The following SCRIB variants were observed in gnomAD, a reference collection of about 807,000 sequenced individuals.
SCRIB encodes protein scribble homolog.
A neutral mutation model predicts 170.0 loss-of-function variants in SCRIB; 72 were observed. The observed-to-expected ratio is 0.42, with a 90% CI of 0.35 to 0.52. SCRIB has a LOEUF of 0.52. Among genes scored for constraint, SCRIB ranks in the 20% least tolerant of loss-of-function variants. The pLI is 0.02. For missense variants in SCRIB, 2,475 were observed against 2,338.5 expected (o/e 1.06, Z -1.20); for synonymous variants, 1,298 against 1,044.3 (o/e 1.24, Z -4.68).
intron 13 of SCRIB, among the ~76,000 whole-genome samples, chr8:143,810,097 T>C (rs1402267767): frequency 6.6e-6 from 1 of 152,096 alleles, no homozygotes; most frequent in Non-Finnish European, 1.5e-5. Flanking sequence ...ACAGCACGCA[T>C]GTCACAGCTC....
intron 17 of SCRIB, 119 bp downstream of exon 17, chr8:143,806,805 C>G (rs1337512607): frequency 1.3e-6 from 1 of 783,844 alleles, no homozygotes; most frequent in Non-Finnish European, 2.0e-6. Flanking sequence ...TGCCTTGGGC[C>G]CAGCCCGTGT....
chr8:143,813,623 G>A lies in SCRIB; in HGVS notation c.446+14C>T, dbSNP rs758903921. ...CCCCCACCCCACCCTAGTTCCACCT[G>A]AGAAGGCACTCACTTGCCCACGTCC... On this transcript the variant is annotated intron_variant, in intron 4 of 36. Transcript: ENST00000356994. 3 of 1,612,860 alleles carry A rather than the reference G, an allele frequency of 1.9e-6. No homozygotes were observed. Among genetic ancestry groups the A allele is most frequent in the African/African-American group, 2.7e-5 (2 of 74,934 alleles).
intron 24 of SCRIB, among the ~76,000 whole-genome samples, chr8:143,795,731 C>T (rs556863862): frequency 3.3e-5 from 5 of 152,326 alleles, no homozygotes; most frequent in East Asian, 3.9e-4. Flanking sequence ...TGTCCCCGGC[C>T]GGTCCCCATC....
intron 24 of SCRIB, among the ~76,000 whole-genome samples, chr8:143,798,173 T>C (rs554404918): frequency 4.2e-4 from 64 of 152,220 alleles, no homozygotes; most frequent in African/African-American, 1.5e-3. Flanking sequence ...GGAGAATCGC[T>C]TGAACCCGGG....
rs112220872 is a variant in SCRIB, at chr8:143,803,907, G to A, written c.3154C>T (p.Leu1052=). The A allele has an allele frequency of 7.5e-6, 12 of 1,591,054 alleles. No homozygotes were observed. Among genetic ancestry groups the A allele is most frequent in the Middle Eastern group, 3.3e-4 (2 of 6,030 alleles). The part of the protein sequence containing the change: ...LPRGLAARSG[L]RVGDRILAVN... ...GCCAGGATGCGGTCCCCAACCCGCA[G>A]GCCGCTGCGAGCGGCCAGGCCCCGC... Residue 1052 remains leucine, a synonymous_variant, in exon 23 of 37, where the codon CTG becomes TTG. Transcript: ENST00000356994.
At chr8:143,807,977 G>A (rs782141708) in intron 15 of SCRIB, among the ~76,000 whole-genome samples, 5 of 152,244 alleles carry the variant, frequency 3.3e-5, no homozygotes, top group Non-Finnish European at 7.3e-5. Flanking sequence ...GAGACCCTTT[G>A]TGACCCATGG....
chr8:143,799,598 C>T (rs552874487), intron 24 of SCRIB, among the ~76,000 whole-genome samples: 3 of 152,240 alleles, frequency 2.0e-5, no homozygotes, highest in Non-Finnish European at 4.4e-5. Context: ...CCGACCATGG[C>T]GAGGCAGGTC....
Position 143,792,696 on chromosome 8 carries a change from C to G in SCRIB, c.4177+12G>C. 6.3e-7 allele frequency: 1 copy of G among 1,587,120 alleles called. No homozygotes were observed. Among genetic ancestry groups the G allele is most frequent in the Non-Finnish European group, 8.5e-7 (1 of 1,173,310 alleles). On this transcript the variant is annotated intron_variant, in intron 30 of 36. Coordinates refer to ENST00000356994, the MANE Select transcript of SCRIB (RefSeq NM_182706.5). Reference sequence around the variant, plus strand: ...CGAGACCCAACCCCCACCCCACTTCCGTGCCCCTCACCTTCCTCCTCCTGC... The same window carrying G: ...CGAGACCCAACCCCCACCCCACTTCGGTGCCCCTCACCTTCCTCCTCCTGC...
rs1359583112 is a variant in SCRIB at position 143,812,748 on chromosome 8, C to A, written c.787+69G>T. On this transcript the variant is annotated intron_variant, in intron 8 of 36. Transcript: ENST00000356994. ...CCTGTGTTCCACACCACACACAGCC[C>A]CGACGCCCCACGCTCCTCCCAGGGC... The A allele has an allele frequency of 5.2e-6, 8 of 1,551,998 alleles. No individual in the cohort carries two copies. The East Asian group carries it at 1.8e-4, about 35-fold the overall frequency.
intron 24 of SCRIB, 79 bp from the exon 25 acceptor site, chr8:143,795,609 C>T (rs1814910471): frequency 8.3e-7 from 1 of 1,199,400 alleles, no homozygotes; most frequent in Non-Finnish European, 1.2e-6. Context: ...GGTCCCAGCC[C>T]AGAATAGTCA....
Position 143,810,911 on chromosome 8 carries a change from C to T in SCRIB, c.1268G>A (p.Ser423Asn), listed in dbSNP as rs1177703539. 6.2e-7 allele frequency: 1 copy of T among 1,611,610 alleles called. No individual in the cohort carries two copies. The highest frequency in any genetic ancestry group is 8.5e-7 in the Non-Finnish European group (1 of 1,179,894). The change falls in exon 11 of 37, where the codon AGC becomes AAC. Residue 423 changes from serine to asparagine, a missense_variant. Ser to Asn is a conservative substitution (Grantham distance 46). Coordinates refer to ENST00000356994, the MANE Select transcript of SCRIB (RefSeq NM_182706.5). ...ACCGGTTGCCAACAACCTACCGAGG[C>T]TGGGTGGGGGCTGCTGGGGCAGCAA... ...CYLLPQQPPPSLEDAGQQGSL... is the reference protein window; with the variant it reads ...CYLLPQQPPPNLEDAGQQGSL...
In SCRIB at chr8:143,793,167, G is replaced by A. The variant is rs368605558; in HGVS notation, c.3910-84C>T. 1,064 of 750,198 alleles carry A rather than the reference G, an allele frequency of 1.4e-3. 8 individuals are homozygous for A. The East Asian group carries it at 0.02, about 14-fold the overall frequency. 46.5% of individuals were successfully genotyped at this position (750,198 alleles called of 1,614,324 possible). A position where few individuals can be genotyped will look rare whatever the true frequency, so the allele number is the denominator to read the frequency against. On this transcript the variant is annotated intron_variant, in intron 28 of 36. Coordinates refer to ENST00000356994, the MANE Select transcript of SCRIB (RefSeq NM_182706.5). The stretch of plus-strand genomic sequence containing the variant: ...GCAACTCACCACCGGCTGTCCCCCC[G>A]CCTGTCCCCCCGCCTGCCTTTGATC...
intron 8 of SCRIB, 147 bp downstream of exon 8, chr8:143,812,670 A>C: frequency 8.9e-7 from 1 of 1,128,514 alleles, no homozygotes; most frequent in South Asian, 1.5e-5. Flanking sequence ...CCAGGGTCCC[A>C]CCTCCCCTCC....
Position 143,808,680 on chromosome 8 carries a change from C to T in SCRIB, c.2044G>A (p.Ala682Thr), listed in dbSNP as rs1245185842. 21 of 1,543,370 alleles carry T rather than the reference C, an allele frequency of 1.4e-5. No homozygotes were observed. Among genetic ancestry groups the T allele is most frequent in the Non-Finnish European group, 1.8e-5 (21 of 1,148,064 alleles). ...EEEEEEEENR[A>T]EEEEASTEEE... is the part of the protein sequence containing the mutation. ...TCAGTGCTGGCCTCTTCCTCTTCAG[C>T]CCTGTTTTCCTCCTCCTCCTCTTCC... The change falls in exon 15 of 37, where the codon GCT becomes ACT. Residue 682 changes from alanine to threonine, a missense_variant. Coordinates refer to ENST00000356994, the MANE Select transcript of SCRIB (RefSeq NM_182706.5).
chr8:143,804,096 G>A lies in SCRIB; in HGVS notation c.3070C>T (p.His1024Tyr). ...TGGACACCAAACGGGTGGCTGGAAT[G>A]GTCGGAGCCTCCGACAATACTAAGC... ...LGLSIVGGSD[H>Y]SSHPFGVQEP... The change falls in exon 22 of 37, where the codon CAT becomes TAT. Residue 1024 changes from histidine (H) to tyrosine (Y), a missense_variant. By Grantham distance (83) the His-to-Tyr change is moderately conservative. Coordinates refer to ENST00000356994, the MANE Select transcript of SCRIB (RefSeq NM_182706.5). The A allele has an allele frequency of 1.2e-6, 2 of 1,612,904 alleles. No homozygotes were observed. Among genetic ancestry groups the A allele is most frequent in the South Asian group, 2.2e-5 (2 of 90,960 alleles).
rs781949290 is a variant in SCRIB at position 143,803,633 on chromosome 8, TG to T, written c.3414+13del. 6.6e-4 allele frequency: 327 copies of T among 492,664 alleles called. 1 individual carries two copies. The African/African-American group carries it at 7.9e-3, about 12-fold the overall frequency. 30.5% of individuals were successfully genotyped at this position (492,664 alleles called of 1,614,324 possible). Reference sequence around the variant, plus strand: ...GGGTGGGGCCCAGGGCGGGCTGGGGTGGGGGGGGCTCACCTTGGAGATGAAG... The same window carrying T: ...GGGTGGGGCCCAGGGCGGGCTGGGGTGGGGGGGCTCACCTTGGAGATGAAG... On this transcript the variant is annotated intron_variant, in intron 23 of 36. Transcript: ENST00000356994.
rs782585787 is a variant in SCRIB at position 143,792,775 on chromosome 8, G to A, written c.4110C>T (p.Ala1370=). 8.4e-5 allele frequency: 133 copies of A among 1,584,830 alleles called. No homozygotes were observed. The highest frequency in any genetic ancestry group is 1.0e-4 in the Non-Finnish European group (119 of 1,168,314). Residue 1370 remains alanine (A), a synonymous_variant, in exon 30 of 37, where the codon GCC becomes GCT. Coordinates refer to ENST00000356994, the MANE Select transcript of SCRIB (RefSeq NM_182706.5). ...YFELEVRVPQ[A]EGPPKRVSLV... is the part of the protein sequence containing the mutation. ...GGGACACGCGCTTAGGGGGGCCCTC[G>A]GCCTGGGGCACGCGCACCTCCAGCT... is the stretch of plus-strand genomic sequence containing the variant.
In SCRIB at chr8:143,809,612, C is replaced by T; in HGVS notation, c.1637G>A (p.Gly546Glu). Residue 546 changes from glycine to glutamate, a missense_variant, in exon 14 of 37, where the codon GGG becomes GAG. Coordinates refer to ENST00000356994, the MANE Select transcript of SCRIB (RefSeq NM_182706.5). ...PEGPSAEAQG[G>E]SQQEATTAGG... is the part of the protein sequence containing the mutation. ...AGCAGTCGTGGCTTCCTGCTGGCTCCCACCCTGTGCCTCAGCCGACGGGCC... is the reference window on the plus strand; with the variant it reads ...AGCAGTCGTGGCTTCCTGCTGGCTCTCACCCTGTGCCTCAGCCGACGGGCC... 1.2e-6 allele frequency: 2 copies of T among 1,611,202 alleles called. No homozygotes were observed. Among genetic ancestry groups the T allele is most frequent in the Non-Finnish European group, 1.7e-6 (2 of 1,179,928 alleles).
chr8:143,814,400 G>T (rs903041034), intron 1 of SCRIB, among the ~76,000 whole-genome samples: 11 of 152,074 alleles, frequency 7.2e-5, no homozygotes, highest in African/African-American at 2.7e-4. Context: ...CCTACCCTGT[G>T]TCTTACCTCA....
Sources: allele counts gnomAD v4.1 joint callset (sites outside exome capture counted in the v4.1 genomes callset), GRCh38; gene constraint gnomAD v4.1.1; transcripts MANE v1.5; gene names NCBI Gene and HGNC (gene_info 2026-07-23, HGNC 2026-07-21).